Variants in DSP observed in about 807,000 individuals in gnomAD.
DSP encodes the protein desmoplakin.
DSP carries 114 observed loss-of-function variants against 290.6 expected under a neutral mutation model. The observed-to-expected ratio is 0.39, with a 90% CI of 0.34 to 0.46. The LOEUF is 0.46. Ranked by LOEUF, DSP falls within the 20% of genes least tolerant of loss-of-function variation. The pLI, the probability that DSP is intolerant of heterozygous loss-of-function variation, is 0.99. For synonymous variants in DSP, 1,311 were observed against 1,316.4 expected, an observed-to-expected ratio of 1.00 and a Z score of 0.09; for missense variants, 3,230 against 3,495.8, an observed-to-expected ratio of 0.92 and a Z score of 1.92.
At position 7,580,355 on chromosome 6, in the gene DSP, A is replaced by G. The variant is rs1486790528; in HGVS notation, c.4165A>G (p.Ser1389Gly). 1 of 1,614,190 alleles carries G rather than the reference A, an allele frequency of 6.2e-7. No individual in the cohort carries two copies. The highest frequency in any genetic ancestry group is 8.5e-7 in the Non-Finnish European group (1 of 1,180,028). Residue 1389 changes from serine to glycine, a missense_variant, in exon 23 of 24, where the codon AGT becomes GGT. Physicochemically the swap from Ser to Gly is moderately conservative, Grantham distance 56. Transcript: ENST00000379802. The surrounding 1 kb of genome is among the most constrained non-coding windows in gnomAD (Gnocchi z 4.2). ...QLTMQKEEDT[S>G]GYRAQIDNLT... ...CACCATGCAGAAGGAAGAGGATACC[A>G]GTGGCTACCGGGCTCAGATAGACAA...
At chr6:7,568,698 ATGTC>A (rs1758939443) in intron 11 of DSP, 109 bp downstream of exon 11, 5 of 1,214,644 alleles carry the variant, frequency 4.1e-6, no homozygotes, top group Non-Finnish European at 6.0e-6. Context: ...ACCACAGTCA[ATGTC>A]TTTGATCTAT....
rs1758841576 is a variant in DSP at position 7,565,662 on chromosome 6, C to T, written c.939+142C>T. ...TTCTTTGAAATGGTCGTGAAAAATC[C>T]TTCCTTCCTGAAAACTTCTCCGTGT... On this transcript the variant is annotated intron_variant, in intron 7 of 23. Transcript: ENST00000379802. The surrounding 1 kb of genome is among the most constrained non-coding windows in gnomAD (Gnocchi z 4.2). 4 of 1,192,890 alleles carry T rather than the reference C, an allele frequency of 3.4e-6. No individual in the cohort carries two copies. The highest frequency in any genetic ancestry group is 4.8e-6 in the Non-Finnish European group (4 of 838,042). The allele number at this position is 1,192,890 out of a possible 1,614,324, so 73.9% of individuals were successfully genotyped here.
intron 1 of DSP, among the ~76,000 whole-genome samples, chr6:7,543,393 C>CTTTTTTTTT (rs397886749): frequency 5.0e-5 from 4 of 80,030 alleles, no homozygotes; most frequent in African/African-American, 9.7e-5. Flanking sequence ...TCTATTTTCG[C>CTTTTTTTTT]TTTTTTTTTT....
In DSP at chr6:7,558,253, T is replaced by G. The variant is rs745536008; in HGVS notation, c.411T>G (p.Ala137=). 8 of 1,614,066 alleles carry G rather than the reference T, an allele frequency of 5.0e-6. No homozygotes were observed. The South Asian group carries it at 8.8e-5, about 18-fold the overall frequency. Residue 137 remains alanine (A), a synonymous_variant, in exon 3 of 24, where the codon GCT becomes GCG. Coordinates refer to ENST00000379802, the MANE Select transcript of DSP (RefSeq NM_004415.4). The part of the protein sequence containing the change: ...EMRQMGQPCD[A]YQKRLLQLQE... ...GGCAGATGGGCCAGCCCTGTGATGC[T>G]TACCAGAAAAGGTATTGTCCACAGA...
At chr6:7,542,844 C>T (rs116471900) in intron 1 of DSP, among the ~76,000 whole-genome samples, 6,202 of 151,940 alleles carry the variant, frequency 0.041, 422 homozygotes, top group African/African-American at 0.14. Context: ...TTGTTTCCTC[C>T]TTTTTAAAAA....
intron 1 of DSP, among the ~76,000 whole-genome samples, chr6:7,554,484 A>C (rs1270802682): frequency 1.3e-5 from 2 of 152,156 alleles, no homozygotes; most frequent in East Asian, 3.8e-4. Context: ...ATGTACATTG[A>C]ATGAGCTTCA....
At position 7,583,356 on chromosome 6, in the gene DSP, G is replaced by A. The variant is rs749307935; in HGVS notation, c.6094G>A (p.Val2032Ile). ...TTCTCCTAAGGAAAAATACTCTTTG[G>A]TAGAGGCCAAGAGAAAGAAATTAAT... is the stretch of plus-strand genomic sequence containing the variant. ...SASPKEKYSL[V>I]EAKRKKLISP... Residue 2032 changes from valine to isoleucine, a missense_variant, in exon 24 of 24, where the codon GTA (valine) becomes ATA (isoleucine). Val to Ile is a conservative substitution (Grantham distance 29, BLOSUM62 3). This residue lies in a region of DSP where 1,714 missense variants were observed against 1,844.5 expected (regional missense o/e 0.93). Coordinates refer to ENST00000379802, the MANE Select transcript of DSP (RefSeq NM_004415.4). The surrounding 1 kb of genome is among the most constrained non-coding windows in gnomAD (Gnocchi z 4.0). 5 of 1,614,176 alleles carry A rather than the reference G, an allele frequency of 3.1e-6. No individual in the cohort carries two copies. Among genetic ancestry groups the A allele is most frequent in the Non-Finnish European group, 4.2e-6 (5 of 1,180,044 alleles).
Position 7,584,313 on chromosome 6 carries a change from T to G in DSP, c.7051T>G (p.Phe2351Val). ...DPETGNIISLFQAMNKELIEK... is the reference protein window; with the variant it reads ...DPETGNIISLVQAMNKELIEK... Reference sequence around the variant, plus strand: ...TGAAACAGGAAACATCATCTCTTTGTTCCAAGCCATGAATAAGGAACTCAT... The same window carrying G: ...TGAAACAGGAAACATCATCTCTTTGGTCCAAGCCATGAATAAGGAACTCAT... The change falls in exon 24 of 24, where the codon TTC becomes GTC. Residue 2351 changes from phenylalanine to valine, a missense_variant. Phe to Val is a conservative substitution (Grantham distance 50). Coordinates refer to ENST00000379802, the MANE Select transcript of DSP (RefSeq NM_004415.4). This position sits in a 1 kb window ranked among gnomAD's most constrained non-coding sequence, Gnocchi z 6.4. 6.2e-7 allele frequency: 1 copy of G among 1,614,172 alleles called. No homozygotes were observed. Among genetic ancestry groups the G allele is most frequent in the Non-Finnish European group, 8.5e-7 (1 of 1,180,030 alleles).
intron 21 of DSP, 44 bp from the exon 22 acceptor site, chr6:7,578,420 T>C: frequency 6.5e-7 from 1 of 1,544,920 alleles, no homozygotes; most frequent in Non-Finnish European, 8.9e-7. Context: ...GGACTTTTTT[T>C]TTAATGCAAT....
In DSP at chr6:7,570,492, A is replaced by C. The variant is rs201960323; in HGVS notation, c.1630A>C (p.Met544Leu). The change falls in exon 13 of 24, where the codon ATG becomes CTG. Residue 544 changes from methionine (M) to leucine (L), a missense_variant. Met to Leu is a conservative substitution (Grantham distance 15). Around this residue, in one of 5 missense-constraint regions of DSP, gnomAD observed 81 missense variants for 130.5 expected, o/e 0.62. Coordinates refer to ENST00000379802, the MANE Select transcript of DSP (RefSeq NM_004415.4). ...LALWNQLYINMKSLVSWHYCM... is the reference protein window; with the variant it reads ...LALWNQLYINLKSLVSWHYCM... ...TCTGTGGAACCAGCTCTACATCAAC[A>C]TGAAGAGCCTGGTGTCCTGGCACTA... 77 of 1,614,040 alleles carry C rather than the reference A, an allele frequency of 4.8e-5. No homozygotes were observed. The highest frequency in any genetic ancestry group is 6.2e-5 in the Non-Finnish European group (73 of 1,180,044).
At chr6:7,548,819 G>A (rs1758248993) in intron 1 of DSP, among the ~76,000 whole-genome samples, 1 of 152,176 alleles carries the variant, frequency 6.6e-6, no homozygotes. Flanking sequence ...GTAATGAGAT[G>A]AGCCATAATA....
In DSP at chr6:7,579,859, G is replaced by T. The variant is rs1317355805; in HGVS notation, c.3669G>T (p.Glu1223Asp). The change falls in exon 23 of 24, where the codon GAG (glutamate) becomes GAT (aspartate). Residue 1223 changes from glutamate (E) to aspartate (D), a missense_variant. Physicochemically the swap from Glu to Asp is conservative, Grantham distance 45 (BLOSUM62 2). Coordinates refer to ENST00000379802, the MANE Select transcript of DSP (RefSeq NM_004415.4). This position sits in a 1 kb window ranked among gnomAD's most constrained non-coding sequence, Gnocchi z 4.1. ...ACATTACGAAGACCACCATCAAGGAGATATCCATGCAAAAAGAGGATGATT... is the reference window on the plus strand; with the variant it reads ...ACATTACGAAGACCACCATCAAGGATATATCCATGCAAAAAGAGGATGATT... ...EINITKTTIK[E>D]ISMQKEDDSK... 6.2e-7 allele frequency: 1 copy of T among 1,614,020 alleles called. No individual in the cohort carries two copies. Among genetic ancestry groups the T allele is most frequent in the Non-Finnish European group, 8.5e-7 (1 of 1,180,046 alleles).
In DSP at chr6:7,579,209, G is replaced by C; in HGVS notation, c.3085-66G>C. On this transcript the variant is annotated intron_variant, in intron 22 of 23. Coordinates refer to ENST00000379802, the MANE Select transcript of DSP (RefSeq NM_004415.4). This position sits in a 1 kb window ranked among gnomAD's most constrained non-coding sequence, Gnocchi z 4.1. ...TGCACATTGGTCTGGGAGGGGAAAA[G>C]TACTGCTTCTTTCTTGGAATGTGAG... 1.3e-6 allele frequency: 2 copies of C among 1,592,708 alleles called. No individual in the cohort carries two copies. Among genetic ancestry groups the C allele is most frequent in the South Asian group, 2.3e-5 (2 of 88,382 alleles).
chr6:7,563,107 T>C (rs1758753493), intron 5 of DSP, among the ~76,000 whole-genome samples: 1 of 152,208 alleles, frequency 6.6e-6, no homozygotes, highest in African/African-American at 2.4e-5. Context: ...AACAGTCTTA[T>C]ACAGTAGTTT....
Position 7,559,294 on chromosome 6 carries a change from C to T in DSP, c.491C>T (p.Ala164Val), listed in dbSNP as rs778989380. Residue 164 changes from alanine to valine, a missense_variant, in exon 4 of 24, where the codon GCC becomes GTC. Ala to Val is a moderately conservative substitution (Grantham distance 64). Coordinates refer to ENST00000379802, the MANE Select transcript of DSP (RefSeq NM_004415.4). ...KAISVPRVRR[A>V]SSKGGGGYTC... ...ATCAGTGTCCCTCGAGTCCGCAGGGCCAGCTCCAAGGGTGGTGGAGGCTAC... is the reference window on the plus strand; with the variant it reads ...ATCAGTGTCCCTCGAGTCCGCAGGGTCAGCTCCAAGGGTGGTGGAGGCTAC... The T allele has an allele frequency of 1.2e-6, 2 of 1,613,988 alleles. No homozygotes were observed. Among genetic ancestry groups the T allele is most frequent in the Non-Finnish European group, 8.5e-7 (1 of 1,180,030 alleles).
At position 7,585,570 on chromosome 6, in the gene DSP, T is replaced by C. The variant is rs1168677075; in HGVS notation, c.8308T>C (p.Tyr2770His). 1 of 1,614,178 alleles carries C rather than the reference T, an allele frequency of 6.2e-7. No homozygotes were observed. Among genetic ancestry groups the C allele is most frequent in the South Asian group, 1.1e-5 (1 of 91,082 alleles). The change falls in exon 24 of 24, where the codon TAT becomes CAT. Residue 2770 changes from tyrosine (Y) to histidine (H), a missense_variant. Tyr to His is a moderately conservative substitution (Grantham distance 83). Around this residue, in one of 5 missense-constraint regions of DSP, gnomAD observed 582 missense variants for 555.4 expected, o/e 1.05. Transcript: ENST00000379802. ...ACAGAGGCTGCAAGACACCAGCAGC[T>C]ATGCCAAAATCCTGACCTGCCCCAA... ...AAQRLQDTSS[Y>H]AKILTCPKTK...
intron 12 of DSP, among the ~76,000 whole-genome samples, chr6:7,570,010 C>A (rs888439150): frequency 6.6e-6 from 1 of 152,162 alleles, no homozygotes; most frequent in Non-Finnish European, 1.5e-5. Context: ...GAAGAACATT[C>A]GTTTAACAGG....
rs947354271 is a variant in DSP at position 7,579,658 on chromosome 6, G to C, written c.3468G>C (p.Gln1156His). 6.2e-7 allele frequency: 1 copy of C among 1,613,980 alleles called. No homozygotes were observed. ...GTGAAAAGGAGAACCTTGGTTGGCA[G>C]AAATTAGAGTCTGAGAAAGCCATCA... ...RQCEKENLGW[Q>H]KLESEKAIKE... The change falls in exon 23 of 24, where the codon CAG (glutamine) becomes CAC (histidine). Residue 1156 changes from glutamine to histidine, a missense_variant. Gln to His is a conservative substitution (Grantham distance 24). Transcript: ENST00000379802. The surrounding 1 kb of genome is among the most constrained non-coding windows in gnomAD (Gnocchi z 4.1).
Position 7,574,731 on chromosome 6 carries a change from T to C in DSP, c.2372T>C (p.Leu791Pro), listed in dbSNP as rs1406788095. Residue 791 changes from leucine to proline, a missense_variant, in exon 17 of 24, where the codon CTC becomes CCC. Physicochemically the swap from Leu to Pro is moderately conservative, Grantham distance 98 (BLOSUM62 -3). Coordinates refer to ENST00000379802, the MANE Select transcript of DSP (RefSeq NM_004415.4). The part of the protein sequence containing the change: ...EDMLKVYEAR[L>P]TEEETVCLDL... ...ATGTTAAAGGTTTATGAAGCCAGGC[T>C]CACTGAGGAGGAAACTGTCTGCCTG... is the stretch of plus-strand genomic sequence containing the variant. 1.2e-6 allele frequency: 2 copies of C among 1,614,200 alleles called. No homozygotes were observed. Among genetic ancestry groups the C allele is most frequent in the Admixed American group, 3.3e-5 (2 of 60,028 alleles).
Sources: allele counts gnomAD v4.1 joint callset (sites outside exome capture counted in the v4.1 genomes callset), GRCh38; gene constraint gnomAD v4.1.1; regional missense constraint gnomAD v4.1.1; non-coding constraint Gnocchi (gnomAD v3.1); transcripts MANE v1.5; gene names NCBI Gene and HGNC (gene_info 2026-07-23, HGNC 2026-07-21).